Variants in PAQR8 observed in about 807,000 individuals in gnomAD.
The protein encoded by PAQR8 is membrane progestin receptor beta.
In PAQR8, 17 loss-of-function variants were observed where a neutral mutation model predicts 25.2. The ratio of observed to expected loss-of-function variants is 0.67; its 90% CI spans 0.46 to 1.01. The LOEUF (loss-of-function observed/expected upper bound fraction) is 1.01, where lower values mean the gene tolerates loss of function less well. Ranked by LOEUF, PAQR8 falls within the 50% of genes least tolerant of loss-of-function variation. The pLI is 0.00. For synonymous variants in PAQR8, 204 were observed against 190.6 expected, an observed-to-expected ratio of 1.07 and a Z score of -0.58; for missense variants, 392 against 448.4, an observed-to-expected ratio of 0.87 and a Z score of 1.14.
At chr6:52,399,802 T>C (rs1197732992) in intron 1 of PAQR8, among the ~76,000 whole-genome samples, 1 of 152,158 alleles carries the variant, frequency 6.6e-6, no homozygotes, top group Non-Finnish European at 1.5e-5. Flanking sequence ...TAGAGCACTT[T>C]AATTCCCCAG....
intron 1 of PAQR8, among the ~76,000 whole-genome samples, chr6:52,374,401 C>T (rs1425045401): frequency 3.3e-5 from 5 of 152,134 alleles, no homozygotes; most frequent in Admixed American, 6.5e-5. Context: ...TCCCTCTTTT[C>T]GTTTTGTTTC....
At chr6:52,364,081 A>ATTTTTTTTTT (rs1581786362) in intron 1 of PAQR8, among the ~76,000 whole-genome samples, 12 of 39,052 alleles carry the variant, frequency 3.1e-4, no homozygotes, top group South Asian at 7.9e-4. Flanking sequence ...ATTGAAAGAT[A>ATTTTTTTTTT]TGTTTTTTTT....
rs1044637514 is a variant in PAQR8 at position 52,407,187 on chromosome 6, G to A, written c.*2909G>A. 6.0e-6 allele frequency: 1 copy of A among 166,918 alleles called. No individual in the cohort carries two copies. The highest frequency in any genetic ancestry group is 2.1e-4 in the South Asian group (1 of 4,820). The allele number at this position is 166,918 out of a possible 1,614,324, so 10.3% of individuals were successfully genotyped here. A position where few individuals can be genotyped will look rare whatever the true frequency, so the allele number is the denominator to read the frequency against. ...CTCTTAATTTAGACTTTCAACCTAT[G>A]AAAATGTAAATACCTTTGAAAAAAC... On this transcript the variant is annotated 3_prime_UTR_variant, in exon 2 of 2. Transcript: ENST00000442253.
intron 1 of PAQR8, among the ~76,000 whole-genome samples, chr6:52,380,849 T>C (rs1282930240): frequency 6.6e-6 from 1 of 152,220 alleles, no homozygotes; most frequent in Non-Finnish European, 1.5e-5. Context: ...ATGAGGCTGG[T>C]ATAAACAGGT....
In PAQR8 at chr6:52,404,315, C is replaced by T; in HGVS notation, c.*37C>T. ...GGGGCAACGTGTGGAGGAAGCCCCT[C>T]ATAATTTGGAGAAAACTTGATACAA... is the stretch of plus-strand genomic sequence containing the variant. On this transcript the variant is annotated 3_prime_UTR_variant, in exon 2 of 2. Coordinates refer to ENST00000442253, the MANE Select transcript of PAQR8 (RefSeq NM_133367.5). 1.3e-6 allele frequency: 2 copies of T among 1,491,242 alleles called. No individual in the cohort carries two copies. The highest frequency in any genetic ancestry group is 2.8e-5 in the African/African-American group (2 of 71,256). The allele number at this position is 1,491,242 out of a possible 1,614,324, so 92.4% of individuals were successfully genotyped here.
intron 1 of PAQR8, among the ~76,000 whole-genome samples, chr6:52,383,620 C>T (rs1238373673): frequency 7.0e-6 from 1 of 142,724 alleles, no homozygotes; most frequent in Non-Finnish European, 1.5e-5. Flanking sequence ...GAGATCCCGC[C>T]ACTGCACTCC....
At chr6:52,394,901 T>C (rs912840320) in intron 1 of PAQR8, among the ~76,000 whole-genome samples, 2 of 151,982 alleles carry the variant, frequency 1.3e-5, no homozygotes, top group African/African-American at 4.8e-5. Flanking sequence ...ACCATGAACT[T>C]GGGATTTTTA....
intron 1 of PAQR8, among the ~76,000 whole-genome samples, chr6:52,374,996 ATG>A (rs1763468604): frequency 6.6e-6 from 1 of 151,240 alleles, no homozygotes. Flanking sequence ...TTCAGGGACA[ATG>A]TATTTTATTT....
At chr6:52,366,400 T>A (rs775784121) in intron 1 of PAQR8, among the ~76,000 whole-genome samples, 4 of 152,298 alleles carry the variant, frequency 2.6e-5, no homozygotes, top group Admixed American at 6.5e-5. Context: ...GAACAAAAGC[T>A]TCTTCTCCTA....
intron 1 of PAQR8, among the ~76,000 whole-genome samples, chr6:52,364,230 T>C (rs1424330554): frequency 6.6e-6 from 1 of 152,128 alleles, no homozygotes; most frequent in African/African-American, 2.4e-5. Context: ...TGGGTCTGTT[T>C]TTAATTCATG....
intron 1 of PAQR8, among the ~76,000 whole-genome samples, chr6:52,400,818 A>G (rs1763821920): frequency 6.6e-6 from 1 of 152,198 alleles, no homozygotes; most frequent in African/African-American, 2.4e-5. Flanking sequence ...CTGTCTCCCC[A>G]GTAAACTTTG....
In PAQR8 at chr6:52,403,310, A is replaced by G. The variant is rs761329138; in HGVS notation, c.97A>G (p.Met33Val). 2 of 1,614,084 alleles carry G rather than the reference A, an allele frequency of 1.2e-6. No individual in the cohort carries two copies. Among genetic ancestry groups the G allele is most frequent in the South Asian group, 1.1e-5 (1 of 91,088 alleles). Residue 33 changes from methionine (M) to valine (V), a missense_variant, in exon 2 of 2, where the codon ATG becomes GTG. Coordinates refer to ENST00000442253, the MANE Select transcript of PAQR8 (RefSeq NM_133367.5). ...GATCCTGGAGGATGGGCTTCCCAAG[A>G]TGCCTTGCACTGTCCCAGAAACGGA... ...PKILEDGLPK[M>V]PCTVPETDVP...
chr6:52,399,005 A>G (rs149389068), intron 1 of PAQR8, among the ~76,000 whole-genome samples: 1 of 152,184 alleles, frequency 6.6e-6, no homozygotes, highest in Non-Finnish European at 1.5e-5. Context: ...TACACACTCC[A>G]GGGGGTGGAG....
chr6:52,380,206 T>G (rs1763543023), intron 1 of PAQR8, among the ~76,000 whole-genome samples: 1 of 152,078 alleles, frequency 6.6e-6, no homozygotes, highest in Non-Finnish European at 1.5e-5. Context: ...ATCAATAGGG[T>G]GGTTGGGAAG....
Position 52,404,125 on chromosome 6 carries a change from C to G in PAQR8, c.912C>G (p.Tyr304Ter). 1 of 1,614,222 alleles carries G rather than the reference C, an allele frequency of 6.2e-7. No homozygotes were observed. Among genetic ancestry groups the G allele is most frequent in the Non-Finnish European group, 8.5e-7 (1 of 1,180,028 alleles). The change falls in exon 2 of 2, where the codon TAC (tyrosine) becomes TAG (stop). Residue 304 changes from tyrosine to a stop codon, truncating the protein, a stop_gained. Coordinates refer to ENST00000442253, the MANE Select transcript of PAQR8 (RefSeq NM_133367.5). LOFTEE classifies it high-confidence loss of function. ...LSQLEAILLDYQGRQEIFLQR... is the reference protein window; with the variant it reads ...LSQLEAILLD ...AGCTGGAGGCCATCCTCCTGGACTA[C>G]CAGGGGCGGCAGGAGATCTTCCTGC...
At chr6:52,366,816 C>G (rs995735641) in intron 1 of PAQR8, among the ~76,000 whole-genome samples, 14 of 152,028 alleles carry the variant, frequency 9.2e-5, no homozygotes, top group African/African-American at 3.4e-4. Flanking sequence ...ATGGCGCAAT[C>G]TCGGCTCACT....
chr6:52,397,021 C>T (rs1200726402), intron 1 of PAQR8, among the ~76,000 whole-genome samples: 1 of 152,118 alleles, frequency 6.6e-6, no homozygotes, highest in African/African-American at 2.4e-5. Flanking sequence ...GCAGATACCA[C>T]AATTGACAGG....
At chr6:52,372,642 AT>A (rs1267541181) in intron 1 of PAQR8, among the ~76,000 whole-genome samples, 1 of 151,666 alleles carries the variant, frequency 6.6e-6, no homozygotes, top group Non-Finnish European at 1.5e-5. Flanking sequence ...TGTTATTGAA[AT>A]TTCAAACAGG....
At chr6:52,381,776 T>A (rs1763563222) in intron 1 of PAQR8, among the ~76,000 whole-genome samples, 1 of 152,194 alleles carries the variant, frequency 6.6e-6, no homozygotes, top group South Asian at 2.1e-4. Context: ...GAGAAATATT[T>A]TCCTTTATCT....
Sources: gnomAD v4.1 joint callset for allele counts (sites outside exome capture counted in the v4.1 genomes callset) on GRCh38, gnomAD v4.1.1 for gene constraint, MANE v1.5 for transcripts, NCBI Gene and HGNC (gene_info 2026-07-23, HGNC 2026-07-21) for gene names.